The following PCDHA1 variants were observed in gnomAD, a reference collection of about 807,000 sequenced individuals.
PCDHA1 encodes the protein protocadherin alpha 1.
PCDHA1 carries 42 observed loss-of-function variants against 61.3 expected under a neutral mutation model. That is an observed-to-expected ratio of 0.69 (90% CI 0.54 to 0.89). The LOEUF (loss-of-function observed/expected upper bound fraction) is 0.89. Ranked by LOEUF, PCDHA1 falls within the 40% of genes least tolerant of loss-of-function variation. PCDHA1 has a pLI of 0.00. For synonymous variants in PCDHA1, 610 were observed against 553.8 expected (o/e 1.10, Z -1.43); for missense variants, 1,256 against 1,235.3 (o/e 1.02, Z -0.25).
intron 1 of PCDHA1, chr5:140,795,987 G>C (rs927272442): frequency 5.0e-6 from 8 of 1,614,058 alleles, no homozygotes; most frequent in Non-Finnish European, 6.8e-6. Context: ...TAAAACTTGT[G>C]GACATCAATG....
At chr5:140,796,164 C>T in intron 1 of PCDHA1, 1 of 1,614,222 alleles carries the variant, frequency 6.2e-7, no homozygotes. Context: ...TGGTGTCCAC[C>T]TTCAAGAATT....
chr5:141,005,164 G>A (rs782398186), intron 3 of PCDHA1, among the ~76,000 whole-genome samples: 2 of 152,178 alleles, frequency 1.3e-5, no homozygotes, highest in Non-Finnish European at 2.9e-5. Context: ...TAAAGAGTGG[G>A]TACCACTTTC....
chr5:140,989,733 C>T (rs31874), intron 3 of PCDHA1, among the ~76,000 whole-genome samples: 120,660 of 152,102 alleles, frequency 0.79, 48,852 homozygotes, highest in East Asian at 0.98. Context: ...GTTGAAAAGG[C>T]CATTGCCTAA....
At position 140,787,834 on chromosome 5, in the gene PCDHA1, G is replaced by A; in HGVS notation, c.1544G>A (p.Gly515Asp). 1 of 1,612,656 alleles carries A rather than the reference G, an allele frequency of 6.2e-7. No homozygotes were observed. Residue 515 changes from glycine to aspartate, a missense_variant, in exon 1 of 4, where the codon GGC becomes GAC. Gly to Asp is a moderately conservative substitution (Grantham distance 94). Transcript: ENST00000504120. ...TACGTGTCAGTGCACGCGGAGAGCG[G>A]CAAGGTGTACGCACTGCAGCCCCTG... ...SNYVSVHAES[G>D]KVYALQPLDH...
intron 1 of PCDHA1, chr5:140,853,353 C>T: frequency 1.0e-6 from 1 of 981,690 alleles, no homozygotes; most frequent in Non-Finnish European, 1.2e-6. Context: ...AACATGAACT[C>T]ACAGGGATCC....
At chr5:140,964,401 G>A (rs1230382796) in intron 1 of PCDHA1, among the ~76,000 whole-genome samples, 6 of 152,166 alleles carry the variant, frequency 3.9e-5, no homozygotes, top group Admixed American at 2.0e-4. Flanking sequence ...CCCAAGACAT[G>A]ACATTTGGGG....
chr5:140,801,759 G>A (rs782260016), intron 1 of PCDHA1: 1 of 1,613,810 alleles, frequency 6.2e-7, no homozygotes, highest in Non-Finnish European at 8.5e-7. Flanking sequence ...AAATGATGAG[G>A]AAATTAAATC....
At chr5:140,834,895 G>A (rs1773362050) in intron 1 of PCDHA1, 1 of 1,603,034 alleles carries the variant, frequency 6.2e-7, no homozygotes, top group African/African-American at 1.4e-5. Flanking sequence ...CTCACTTACA[G>A]ACTGAGCCCC....
At chr5:141,007,395 CAA>C (rs35800918) in intron 3 of PCDHA1, among the ~76,000 whole-genome samples, 1,140 of 94,858 alleles carry the variant, frequency 0.012, 9 homozygotes, top group South Asian at 0.036. Context: ...TACTAAAATA[CAA>C]AAAAAAAAAA....
chr5:140,913,035 T>C (rs1277110200), intron 1 of PCDHA1, among the ~76,000 whole-genome samples: 2 of 152,242 alleles, frequency 1.3e-5, no homozygotes, highest in African/African-American at 4.8e-5. Context: ...TCATCAGATA[T>C]ATTGGCCTGG....
intron 1 of PCDHA1, chr5:140,877,501 A>T: frequency 6.2e-7 from 1 of 1,613,804 alleles, no homozygotes; most frequent in Non-Finnish European, 8.5e-7. Flanking sequence ...CCAGGCCCCA[A>T]AGACGTCGTC....
chr5:140,794,329 C>T (rs1257206903), intron 1 of PCDHA1, among the ~76,000 whole-genome samples: 6 of 152,204 alleles, frequency 3.9e-5, no homozygotes, highest in Non-Finnish European at 8.8e-5. Context: ...AATCTTGTCA[C>T]ATGCTACAAC....
chr5:140,869,580 T>C (rs1325973038), intron 1 of PCDHA1: 4 of 1,614,046 alleles, frequency 2.5e-6, no homozygotes, highest in Non-Finnish European at 3.4e-6. Flanking sequence ...GAGCTTCTGA[T>C]GCTGACATTG....
intron 3 of PCDHA1, among the ~76,000 whole-genome samples, chr5:141,003,237 T>G (rs1357530548): frequency 6.6e-6 from 1 of 152,228 alleles, no homozygotes; most frequent in Non-Finnish European, 1.5e-5. Flanking sequence ...CTGGAAATTT[T>G]GCCAAAAAGA....
At chr5:140,909,378 C>T (rs544117185) in intron 1 of PCDHA1, among the ~76,000 whole-genome samples, 1 of 152,264 alleles carries the variant, frequency 6.6e-6, no homozygotes, top group Admixed American at 6.5e-5. Context: ...GCAATGAAAC[C>T]ACATCTAGTA....
At chr5:140,928,321 A>C (rs1296238254) in intron 1 of PCDHA1, 2 of 1,614,044 alleles carry the variant, frequency 1.2e-6, no homozygotes, top group African/African-American at 2.7e-5. Context: ...CCTGGGGAAG[A>C]ATGGCCTTGT....
At chr5:140,828,726 T>C in intron 1 of PCDHA1, 1 of 1,614,236 alleles carries the variant, frequency 6.2e-7, no homozygotes, top group Non-Finnish European at 8.5e-7. Flanking sequence ...AACTTATTCC[T>C]GACAGCCACA....
At chr5:140,976,740 A>C (rs1425716353) in intron 1 of PCDHA1, among the ~76,000 whole-genome samples, 7 of 152,192 alleles carry the variant, frequency 4.6e-5, no homozygotes, top group African/African-American at 1.7e-4. Flanking sequence ...CACATTTTAA[A>C]AACCTCCCAG....
chr5:140,839,383 G>C (rs200307004), intron 1 of PCDHA1, among the ~76,000 whole-genome samples: 4 of 150 alleles, frequency 0.027, no homozygotes, highest in Non-Finnish European at 0.042. Flanking sequence ...CAATTATTAT[G>C]ATGATGATGA....
Sources: allele counts gnomAD v4.1 joint callset (sites outside exome capture counted in the v4.1 genomes callset), GRCh38; gene constraint gnomAD v4.1.1; transcripts MANE v1.5; gene names NCBI Gene and HGNC (gene_info 2026-07-23, HGNC 2026-07-21).